Variants in HTT observed in about 807,000 individuals in gnomAD.
HTT encodes the protein huntington disease protein.
HTT carries 104 observed loss-of-function variants against 362.3 expected under a neutral mutation model. The observed-to-expected ratio is 0.29, with a 90% CI of 0.24 to 0.34. The LOEUF is 0.34. Ranked by LOEUF, HTT falls within the 10% of genes least tolerant of loss-of-function variation. The probability of loss-of-function intolerance (pLI) is 1.00; values close to 1 mark genes in which losing one functional copy is unlikely to be tolerated. For missense variants in HTT, 3,301 were observed against 3,928.6 expected (o/e 0.84, Z 4.27); for synonymous variants, 1,577 against 1,548.7 (o/e 1.02, Z -0.43).
At chr4:3,163,402 C>G (rs1163335598) in intron 29 of HTT, among the ~76,000 whole-genome samples, 2 of 152,136 alleles carry the variant, frequency 1.3e-5, no homozygotes, top group East Asian at 3.8e-4. Flanking sequence ...TTTGTTGTGT[C>G]TCTGCCAGGC....
In HTT at chr4:3,233,366, C is replaced by G; in HGVS notation, c.8456+13C>G. The G allele has an allele frequency of 6.3e-7, 1 of 1,585,346 alleles. No homozygotes were observed. Among genetic ancestry groups the G allele is most frequent in the Non-Finnish European group, 8.6e-7 (1 of 1,157,170 alleles). ...AAGGGATCGCCCAGTGAGTGGGAGC[C>G]TGGCTGGGGCTGGGGCGGGGGTCTC... is the stretch of plus-strand genomic sequence containing the variant. On this transcript the variant is annotated intron_variant, in intron 61 of 66. Coordinates refer to ENST00000355072, the MANE Select transcript of HTT (RefSeq NM_001388492.1).
rs759957822 is a variant in HTT at position 3,125,603 on chromosome 4, C to T, written c.1376C>T (p.Ser459Leu). The T allele has an allele frequency of 1.2e-5, 19 of 1,613,400 alleles. No individual in the cohort carries two copies. The highest frequency in any genetic ancestry group is 1.7e-5 in the Admixed American group (1 of 60,002). Residue 459 changes from serine (S) to leucine (L), a missense_variant, in exon 11 of 67, where the codon TCG (serine) becomes TTG (leucine). By Grantham distance (145) the Ser-to-Leu change is moderately radical. Coordinates refer to ENST00000355072, the MANE Select transcript of HTT (RefSeq NM_001388492.1). ...TTGGAGGATGACTCTGAATCGAGAT[C>T]GGATGTCAGCAGCTCTGCCTTAACA... ...EALEDDSESR[S>L]DVSSSALTAS...
Position 3,239,914 on chromosome 4 carries a change from C to T in HTT, c.9284C>T (p.Ala3095Val), listed in dbSNP as rs748815950. The change falls in exon 67 of 67, where the codon GCC (alanine) becomes GTC (valine). Residue 3095 changes from alanine to valine, a missense_variant. Coordinates refer to ENST00000355072, the MANE Select transcript of HTT (RefSeq NM_001388492.1). ...QVDVNLFCLV[A>V]TDFYRHQIEE... ...GACGTGAACCTTTTCTGCCTGGTCG[C>T]CACAGACTTCTACAGACACCAGATA... 2 of 1,576,246 alleles carry T rather than the reference C, an allele frequency of 1.3e-6. No homozygotes were observed. Among genetic ancestry groups the T allele is most frequent in the Non-Finnish European group, 1.7e-6 (2 of 1,159,888 alleles).
chr4:3,188,655 T>C (rs1318632738), intron 39 of HTT: 5 of 236,470 alleles, frequency 2.1e-5, no homozygotes, highest in African/African-American at 1.1e-4. Context: ...CTGGCTAAAA[T>C]TGATGATACA....
In HTT at chr4:3,220,227, A is replaced by T; in HGVS notation, c.7288A>T (p.Thr2430Ser). ...ACCCAAACCGGGAGGGGATTTTGGC[A>T]CAGCATTCCCTGAGATCCCCGTGGA... ...WSPKPGGDFG[T>S]AFPEIPVEFL... The change falls in exon 53 of 67, where the codon ACA (threonine) becomes TCA (serine). Residue 2430 changes from threonine (T) to serine (S), a missense_variant. Thr to Ser is a moderately conservative substitution (Grantham distance 58). Around this residue, in one of 4 missense-constraint regions of HTT, gnomAD observed 753 missense variants for 1,021.3 expected, o/e 0.74. Transcript: ENST00000355072. 6.2e-7 allele frequency: 1 copy of T among 1,614,104 alleles called. No homozygotes were observed. Among genetic ancestry groups the T allele is most frequent in the Middle Eastern group, 1.6e-4 (1 of 6,062 alleles).
rs1210268485 is a variant in HTT at position 3,235,302 on chromosome 4, C to T, written c.8475C>T (p.Ser2825=). The change falls in exon 62 of 67, where the codon AGC becomes AGT. Residue 2825 remains serine, a synonymous_variant. Transcript: ENST00000355072. ...TTTTCAGCTGCGTGAACATTCACAG[C>T]CAGCAGCACGTACTGGTCATGTGTG... ...KGIAHCVNIH[S]QQHVLVMCAT... 6 of 1,612,920 alleles carry T rather than the reference C, an allele frequency of 3.7e-6. No individual in the cohort carries two copies. In the South Asian group the frequency reaches 4.4e-5, roughly 12 times the overall value.
intron 31 of HTT, among the ~76,000 whole-genome samples, chr4:3,174,465 A>G (rs1173881160): frequency 3.9e-5 from 6 of 152,262 alleles, no homozygotes; most frequent in African/African-American, 1.2e-4. Context: ...TGTAGCAGAA[A>G]AAAGCTCAGA....
In HTT at chr4:3,199,806, C is replaced by G. The variant is rs1240208142; in HGVS notation, c.5443C>G (p.Leu1815Val). 9.3e-6 allele frequency: 15 copies of G among 1,614,130 alleles called. No individual in the cohort carries two copies. The highest frequency in any genetic ancestry group is 1.3e-5 in the African/African-American group (1 of 74,932). Residue 1815 changes from leucine (L) to valine (V), a missense_variant, in exon 41 of 67, where the codon CTG (leucine) becomes GTG (valine). Physicochemically the swap from Leu to Val is conservative, Grantham distance 32. This residue lies in a region of HTT where 2,316 missense variants were observed against 2,658.5 expected (regional missense o/e 0.87). Transcript: ENST00000355072. The stretch of plus-strand genomic sequence containing the variant: ...TGGCTGTGGCGGCAGTTTCTACACC[C>G]TGGACAGCTTGAACTTGCGGGCTCG... ...SDGCGGSFYTLDSLNLRARSM... is the reference protein window; with the variant it reads ...SDGCGGSFYTVDSLNLRARSM...
At chr4:3,188,897 A>G (rs1718890419) in intron 39 of HTT, 54 bp from the exon 40 acceptor site, 15 of 1,523,680 alleles carry the variant, frequency 9.8e-6, no homozygotes, top group Admixed American at 1.7e-5. Flanking sequence ...TACTTGGCGT[A>G]AGTGCTTTAT....
At chr4:3,193,418 C>A (rs967220652) in intron 40 of HTT, among the ~76,000 whole-genome samples, 1 of 152,190 alleles carries the variant, frequency 6.6e-6, no homozygotes, top group African/African-American at 2.4e-5. Flanking sequence ...TATTTTGCCA[C>A]CAGTTGGTTT....
At position 3,219,819 on chromosome 4, in the gene HTT, C is replaced by T. The variant is rs548515166; in HGVS notation, c.7243-363C>T. ...CATGCCTGCTTGCCAATAAACATAT[C>T]TGAGCTGAACCTCATTGAACGCCTG... On this transcript the variant is annotated intron_variant, in intron 52 of 66. Coordinates refer to ENST00000355072, the MANE Select transcript of HTT (RefSeq NM_001388492.1). Among the ~76,000 whole-genome samples, 29 of 152,344 alleles carry T rather than the reference C, an allele frequency of 1.9e-4. 1 individual carries two copies. Among genetic ancestry groups the T allele is most frequent in the African/African-American group, 6.7e-4 (28 of 41,586 alleles).
chr4:3,121,381 AAGG>A lies in HTT; in HGVS notation c.1228_1230del (p.Glu410del). On this transcript the variant is annotated inframe_deletion, in exon 9 of 67. Transcript: ENST00000355072. The stretch of plus-strand genomic sequence containing the variant: ...GGGCATTGGGCAGCTCACCGCTGCT[AAGG>A]AGGAGTCTGGTGGCCGAAGCCGTAG... 15 of 1,614,162 alleles carry A rather than the reference AAGG, an allele frequency of 9.3e-6. No individual in the cohort carries two copies. Among genetic ancestry groups the A allele is most frequent in the Non-Finnish European group, 1.2e-5 (14 of 1,180,008 alleles).
At chr4:3,089,934 A>G (rs1168273466) in intron 2 of HTT, among the ~76,000 whole-genome samples, 2 of 152,190 alleles carry the variant, frequency 1.3e-5, no homozygotes, top group Non-Finnish European at 2.9e-5. Flanking sequence ...ACAGAAGAGC[A>G]TGTTAAAAGG....
rs371370356 is a variant in HTT, at chr4:3,217,959, C to A, written c.7242+7C>A. The A allele has an allele frequency of 9.4e-5, 150 of 1,597,452 alleles. No homozygotes were observed. Among genetic ancestry groups the A allele is most frequent in the Non-Finnish European group, 1.2e-4 (141 of 1,172,274 alleles). On this transcript the variant is annotated splice_region_variant and intron_variant, in intron 52 of 66. Transcript: ENST00000355072. ...CACACGTGTGCCCCCACTGGTGAGT[C>A]TGCTCGTTCCTTGCAGAAGACCAAG...
At chr4:3,107,932 C>T (rs1212825170) in intron 6 of HTT, among the ~76,000 whole-genome samples, 1 of 152,246 alleles carries the variant, frequency 6.6e-6, no homozygotes, top group African/African-American at 2.4e-5. Flanking sequence ...TTCTTAGCCT[C>T]TTCCTTTTTG....
intron 1 of HTT, among the ~76,000 whole-genome samples, chr4:3,085,386 C>T (rs932476283): frequency 6.6e-6 from 1 of 152,068 alleles, no homozygotes; most frequent in African/African-American, 2.4e-5. Context: ...ATCTGCTGCC[C>T]CAGCCTCCCA....
At chr4:3,211,492 A>C (rs1232143616) in intron 47 of HTT, among the ~76,000 whole-genome samples, 1 of 152,190 alleles carries the variant, frequency 6.6e-6, no homozygotes, top group African/African-American at 2.4e-5. Context: ...CATTTTTCCA[A>C]CCAAAATTTT....
intron 45 of HTT, 24 bp from the exon 46 acceptor site, chr4:3,208,749 A>C (rs1338657349): frequency 6.4e-7 from 1 of 1,571,234 alleles, no homozygotes; most frequent in Admixed American, 2.0e-5. Context: ...TTATACTGTA[A>C]TTTCATTTTT....
At chr4:3,180,704 A>G (rs1033403829) in intron 36 of HTT, 53 bp downstream of exon 36, 3 of 1,499,820 alleles carry the variant, frequency 2.0e-6, no homozygotes, top group Non-Finnish European at 2.7e-6. Context: ...ACCCGTGCAG[A>G]TGGAAGGAAG....
Sources: gnomAD v4.1 joint callset for allele counts (sites outside exome capture counted in the v4.1 genomes callset) on GRCh38, gnomAD v4.1.1 for gene constraint, gnomAD v4.1.1 regional missense constraint, MANE v1.5 for transcripts, NCBI Gene and HGNC (gene_info 2026-07-23, HGNC 2026-07-21) for gene names.